Variants in WEE1 observed in about 807,000 individuals in gnomAD.
The protein encoded by WEE1 is WEE1 G2 checkpoint kinase.
A neutral mutation model predicts 68.8 loss-of-function variants in WEE1; 16 were observed. That is an observed-to-expected ratio of 0.23 (90% confidence interval 0.16 to 0.35). The LOEUF (loss-of-function observed/expected upper bound fraction) is 0.35. WEE1 is among the 10% of genes least tolerant of loss of function. The probability of loss-of-function intolerance (pLI) is 1.00; values close to 1 mark genes in which losing one functional copy is unlikely to be tolerated. For synonymous variants in WEE1, 349 were observed against 318.7 expected, an observed-to-expected ratio of 1.09 and a Z score of -1.01; for missense variants, 651 against 824.1, an observed-to-expected ratio of 0.79 and a Z score of 2.57.
In WEE1 at chr11:9,574,409, C is replaced by T. The variant is rs562855683; in HGVS notation, c.476C>T (p.Ala159Val). Residue 159 changes from alanine (A) to valine (V), a missense_variant, in exon 1 of 11, where the codon GCG becomes GTG. This residue lies in a region of WEE1 where 395 missense variants were observed against 378.4 expected (regional missense o/e 1.04). Transcript: ENST00000450114. The surrounding 1 kb of genome is among the most constrained non-coding windows in gnomAD (Gnocchi z 4.9). The stretch of plus-strand genomic sequence containing the variant: ...CCGCGGGGTTGCGGGGCGCGCCGGG[C>T]GGGCGAAGGCCGCCGCTCGCCGCGG... ...ASPRGCGARR[A>V]GEGRRSPRPD... 5,392 of 1,211,824 alleles carry T rather than the reference C, an allele frequency of 4.4e-3. 19 individuals are homozygous for T. Among genetic ancestry groups the T allele is most frequent in the South Asian group, 8.7e-3 (220 of 25,182 alleles). 75.1% of individuals were successfully genotyped at this position (1,211,824 alleles called of 1,614,324 possible).
At position 9,574,822 on chromosome 11, in the gene WEE1, A is replaced by C; in HGVS notation, c.576+313A>C. ...TGTCAGCCCCGAGTGCGGCACCGAT[A>C]ACGCGGTTCGCGAGGATGCTGGAGG... is the stretch of plus-strand genomic sequence containing the variant. On this transcript the variant is annotated intron_variant, in intron 1 of 10. Transcript: ENST00000450114. This position sits in a 1 kb window ranked among gnomAD's most constrained non-coding sequence, Gnocchi z 4.9. 1 of 995,876 alleles carries C rather than the reference A, an allele frequency of 1.0e-6. No homozygotes were observed. Among genetic ancestry groups the C allele is most frequent in the Non-Finnish European group, 1.2e-6 (1 of 836,850 alleles). 61.7% of individuals were successfully genotyped at this position (995,876 alleles called of 1,614,324 possible).
At chr11:9,583,769 A>G (rs1312738345) in intron 6 of WEE1, among the ~76,000 whole-genome samples, 3 of 41,282 alleles carry the variant, frequency 7.3e-5, no homozygotes, top group Non-Finnish European at 1.0e-4. Context: ...GCGCACACAC[A>G]CACACACACA....
chr11:9,589,607 A>G lies in WEE1; in HGVS notation c.*1005A>G, dbSNP rs1052332245. On this transcript the variant is annotated 3_prime_UTR_variant, in exon 11 of 11. Transcript: ENST00000450114. ...AAATATATTTTATCTGTGATTAGCCATTTGACTAATAATACTGGCTAACAG... is the reference window on the plus strand; with the variant it reads ...AAATATATTTTATCTGTGATTAGCCGTTTGACTAATAATACTGGCTAACAG... 1 of 985,712 alleles carries G rather than the reference A, an allele frequency of 1.0e-6. No individual in the cohort carries two copies. The highest frequency in any genetic ancestry group is 1.7e-5 in the African/African-American group (1 of 57,320). The allele number at this position is 985,712 out of a possible 1,614,324, so 61.1% of individuals were successfully genotyped here.
chr11:9,582,072 C>G (rs1849634251), intron 6 of WEE1, among the ~76,000 whole-genome samples: 1 of 152,218 alleles, frequency 6.6e-6, no homozygotes, highest in Non-Finnish European at 1.5e-5. Context: ...CTGCATCTTA[C>G]AGGAACTACA....
Position 9,573,806 on chromosome 11 carries a change from GCGCAGAGACGCCGCGGCTGCGAC to G in WEE1, c.-127_-105del. 1.3e-6 allele frequency: 1 copy of G among 780,516 alleles called. No homozygotes were observed. The highest frequency in any genetic ancestry group is 1.7e-6 in the Non-Finnish European group (1 of 603,872). 48.3% of individuals were successfully genotyped at this position (780,516 alleles called of 1,614,324 possible). On this transcript the variant is annotated 5_prime_UTR_variant, in exon 1 of 11. Coordinates refer to ENST00000450114, the MANE Select transcript of WEE1 (RefSeq NM_003390.4). ...CGCCCCGGAGCCGCAGGCCGCCGCC[GCGCAGAGACGCCGCGGCTGCGAC>G]TAGGCGCGCCCAGCCGCACGTGGCG...
chr11:9,577,937 T>G (rs745773384), intron 5 of WEE1: 13 of 455,012 alleles, frequency 2.9e-5, no homozygotes, highest in Non-Finnish European at 5.3e-5. Flanking sequence ...CCTTTTCTAT[T>G]AAAAACCTTT....
chr11:9,575,467 A>G, intron 1 of WEE1: 1 of 961,078 alleles, frequency 1.0e-6, no homozygotes, highest in Non-Finnish European at 1.3e-6. Context: ...CGACTTGCTC[A>G]AGGCAAAATC....
At position 9,585,598 on chromosome 11, in the gene WEE1, A is replaced by C. The variant is rs1338541634; in HGVS notation, c.1470+71A>C. Reference sequence around the variant, plus strand: ...GCAGTTGATAGAAGAATATAAATTCAGATATATTAAACTTTGAAGTTAACT... The same window carrying C: ...GCAGTTGATAGAAGAATATAAATTCCGATATATTAAACTTTGAAGTTAACT... On this transcript the variant is annotated intron_variant, in intron 8 of 10. Coordinates refer to ENST00000450114, the MANE Select transcript of WEE1 (RefSeq NM_003390.4). The C allele has an allele frequency of 8.8e-6, 11 of 1,250,872 alleles. No homozygotes were observed. In the Admixed American group the frequency reaches 2.9e-4, roughly 33 times the overall value. 77.5% of individuals were successfully genotyped at this position (1,250,872 alleles called of 1,614,324 possible). A position where few individuals can be genotyped will look rare whatever the true frequency, so the allele number is the denominator to read the frequency against.
In WEE1 at chr11:9,577,263, G is replaced by A; in HGVS notation, c.1141G>A (p.Gly381Ser). 6.2e-7 allele frequency: 1 copy of A among 1,611,344 alleles called. No individual in the cohort carries two copies. The highest frequency in any genetic ancestry group is 8.5e-7 in the Non-Finnish European group (1 of 1,179,248). ...HMLIQNEYCN[G>S]GSLADAISEN... ...GCTTATACAGAATGAATATTGTAAT[G>A]GTGAGTGATGTAATGGTTTTCTTGT... is the stretch of plus-strand genomic sequence containing the variant. The change falls in exon 5 of 11, where the codon GGT (glycine) becomes AGT (serine). Residue 381 changes from glycine to serine, a missense_variant and splice_region_variant. Coordinates refer to ENST00000450114, the MANE Select transcript of WEE1 (RefSeq NM_003390.4).
At chr11:9,577,533 AT>A in intron 5 of WEE1, 2 of 398,014 alleles carry the variant, frequency 5.0e-6, no homozygotes, top group Non-Finnish European at 9.3e-6. Context: ...CGACACATAT[AT>A]TTTGGTGTCC....
chr11:9,589,635 G>A lies in WEE1; in HGVS notation c.*1033G>A. 1.0e-6 allele frequency: 1 copy of A among 980,218 alleles called. No individual in the cohort carries two copies. Among genetic ancestry groups the A allele is most frequent in the East Asian group, 1.2e-4 (1 of 8,634 alleles). The allele number at this position is 980,218 out of a possible 1,614,324, so 60.7% of individuals were successfully genotyped here. ...TGACTAATAATACTGGCTAACAGAT[G>A]TTGAAAAAAATTGTCTGTTTGTTTT... is the stretch of plus-strand genomic sequence containing the variant. On this transcript the variant is annotated 3_prime_UTR_variant, in exon 11 of 11. Coordinates refer to ENST00000450114, the MANE Select transcript of WEE1 (RefSeq NM_003390.4).
At chr11:9,588,217 C>T (rs996011102) in intron 10 of WEE1, among the ~76,000 whole-genome samples, 2 of 152,080 alleles carry the variant, frequency 1.3e-5, no homozygotes, top group African/African-American at 4.8e-5. Context: ...TTACTAGCAT[C>T]TTTACTACTT....
At position 9,576,270 on chromosome 11, in the gene WEE1, G is replaced by A. The variant is rs1281436464; in HGVS notation, c.823G>A (p.Glu275Lys). 4 of 1,521,412 alleles carry A rather than the reference G, an allele frequency of 2.6e-6. No homozygotes were observed. In the African/African-American group the frequency reaches 4.1e-5, roughly 16 times the overall value. 94.2% of individuals were successfully genotyped at this position (1,521,412 alleles called of 1,614,324 possible). A position where few individuals can be genotyped will look rare whatever the true frequency, so the allele number is the denominator to read the frequency against. ...CATGGAAGCCAGTGATTATGAGCTT[G>A]AAGATGAAACAAGACCTGCTAAGGT... ...EDMEASDYEL[E>K]DETRPAKRIT... is the part of the protein sequence containing the mutation. Residue 275 changes from glutamate to lysine, a missense_variant, in exon 3 of 11, where the codon GAA (glutamate) becomes AAA (lysine). Coordinates refer to ENST00000450114, the MANE Select transcript of WEE1 (RefSeq NM_003390.4). The surrounding 1 kb of genome is among the most constrained non-coding windows in gnomAD (Gnocchi z 4.3).
In WEE1 at chr11:9,589,934, AT is replaced by A. The variant is rs1378459769; in HGVS notation, c.*1335del. ...CTTGCTAGAAATGTAGCATGATGTA[AT>A]TTAAAATATCTTCAAATTATTAAGT... On this transcript the variant is annotated 3_prime_UTR_variant, in exon 11 of 11. Coordinates refer to ENST00000450114, the MANE Select transcript of WEE1 (RefSeq NM_003390.4). 1.9e-5 allele frequency: 3 copies of A among 155,764 alleles called. No individual in the cohort carries two copies. The highest frequency in any genetic ancestry group is 2.0e-4 in the South Asian group (1 of 4,882). 9.6% of individuals were successfully genotyped at this position (155,764 alleles called of 1,614,324 possible).
intron 10 of WEE1, among the ~76,000 whole-genome samples, chr11:9,587,254 C>G (rs1408505091): frequency 2.0e-5 from 3 of 152,224 alleles, no homozygotes; most frequent in Non-Finnish European, 4.4e-5. Context: ...AGCCACCTCA[C>G]CCGGCTCCAG....
chr11:9,584,975 A>G (rs1426343911), intron 6 of WEE1, among the ~76,000 whole-genome samples: 1 of 152,132 alleles, frequency 6.6e-6, no homozygotes, highest in Admixed American at 6.6e-5. Context: ...AGGAGGTTGA[A>G]TGAAGCATGA....
At chr11:9,586,949 G>C in intron 10 of WEE1, 93 bp downstream of exon 10, 1 of 1,383,744 alleles carries the variant, frequency 7.2e-7, no homozygotes, top group Non-Finnish European at 9.7e-7. Flanking sequence ...TGTCAACAAA[G>C]GATGTAGTGG....
At chr11:9,586,327 T>G in intron 8 of WEE1, 122 bp from the exon 9 acceptor site, 1 of 840,888 alleles carries the variant, frequency 1.2e-6, no homozygotes, top group Non-Finnish European at 1.8e-6. Context: ...GGTCCCAAAC[T>G]TAAATGTGGT....
intron 9 of WEE1, 44 bp downstream of exon 9, chr11:9,586,663 A>AG (rs1849703287): frequency 6.2e-7 from 1 of 1,611,844 alleles, no homozygotes; most frequent in Non-Finnish European, 8.5e-7. Flanking sequence ...ATGGTTCTAT[A>AG]TTTTATTAAA....
Sources: allele counts gnomAD v4.1 joint callset (sites outside exome capture counted in the v4.1 genomes callset), GRCh38; gene constraint gnomAD v4.1.1; regional missense constraint gnomAD v4.1.1; non-coding constraint Gnocchi (gnomAD v3.1); transcripts MANE v1.5; gene names NCBI Gene and HGNC (gene_info 2026-07-23, HGNC 2026-07-21).